Variants in CFAP210 observed in about 807,000 individuals in gnomAD.
CFAP210 encodes cilia- and flagella- associated protein 210.
At chr2:169,675,964 T>C in the CFAP210 span, among the ~76,000 whole-genome samples, 1 of 152,208 alleles carries the variant, frequency 6.6e-6, no homozygotes, top group Non-Finnish European at 1.5e-5. Context: ...TACTCTGATA[T>C]CCTGAAGATA....
At chr2:169,654,188 GATA>G in the CFAP210 span, 1 of 1,590,014 alleles carries the variant, frequency 6.3e-7, no homozygotes, top group Non-Finnish European at 8.6e-7. Flanking sequence ...CTACAGCTTT[GATA>G]ATATGTTTAT....
the CFAP210 span, among the ~76,000 whole-genome samples, chr2:169,692,790 A>G: frequency 1.3e-5 from 2 of 152,244 alleles, no homozygotes; most frequent in Non-Finnish European, 2.9e-5. Context: ...ATGTCGAATA[A>G]TAACAGTTGT....
At chr2:169,647,192 CAAA>C in the CFAP210 span, among the ~76,000 whole-genome samples, 1 of 151,264 alleles carries the variant, frequency 6.6e-6, no homozygotes, top group South Asian at 2.1e-4. Context: ...GAGAAAAAGT[CAAA>C]AAAAAGCTAA....
chr2:169,667,318 T>C, the CFAP210 span, among the ~76,000 whole-genome samples: 2 of 151,988 alleles, frequency 1.3e-5, no homozygotes, highest in African/African-American at 2.4e-5. Flanking sequence ...TTTGTATTTT[T>C]AGTACAGACA....
chr2:169,653,029 A>AAAAAAAAAAAAAATATATATAT, the CFAP210 span, among the ~76,000 whole-genome samples: 1 of 39,954 alleles, frequency 2.5e-5, no homozygotes, highest in Non-Finnish European at 4.0e-5. Context: ...AAAAAAAAAA[A>AAAAAAAAAAAAAATATATATAT]ATATATATAT....
the CFAP210 span, chr2:169,681,304 C>A: frequency 6.3e-6 from 7 of 1,103,860 alleles, no homozygotes; most frequent in Non-Finnish European, 9.5e-6. Flanking sequence ...CTGAGAAGTT[C>A]CGATATTGGC....
the CFAP210 span, among the ~76,000 whole-genome samples, chr2:169,692,492 CAG>C: frequency 5.8e-4 from 85 of 146,488 alleles, no homozygotes; most frequent in Middle Eastern, 3.4e-3. Flanking sequence ...CACACAGAGA[CAG>C]AGAGAGAGAG....
chr2:169,649,150 TA>T, the CFAP210 span: 2 of 1,536,784 alleles, frequency 1.3e-6, no homozygotes, highest in Non-Finnish European at 1.8e-6. Flanking sequence ...TACTTATTAC[TA>T]ACATAATTAT....
the CFAP210 span, chr2:169,694,337 A>C: frequency 6.2e-7 from 1 of 1,613,626 alleles, no homozygotes; most frequent in Admixed American, 1.7e-5. Context: ...TGATGCTCCT[A>C]GATCTGGAAA....
At chr2:169,672,160 A>G in the CFAP210 span, among the ~76,000 whole-genome samples, 1 of 152,258 alleles carries the variant, frequency 6.6e-6, no homozygotes, top group Non-Finnish European at 1.5e-5. Flanking sequence ...TAGCTTGGCG[A>G]TAAGTTTGTA....
chr2:169,646,114 A>G, the CFAP210 span: 2 of 1,613,916 alleles, frequency 1.2e-6, no homozygotes, highest in Non-Finnish European at 1.7e-6. Context: ...CAGCCACAAG[A>G]GCTTCAGTAA....
the CFAP210 span, among the ~76,000 whole-genome samples, chr2:169,690,229 TTTC>T: frequency 6.6e-6 from 1 of 152,190 alleles, no homozygotes; most frequent in East Asian, 1.9e-4. Flanking sequence ...GATCTATAGT[TTTC>T]TTGTGATATC....
chr2:169,676,508 T>G, the CFAP210 span, among the ~76,000 whole-genome samples: 1 of 151,966 alleles, frequency 6.6e-6, no homozygotes, highest in Non-Finnish European at 1.5e-5. Flanking sequence ...TACAAAATAG[T>G]TCCATCCTCC....
At chr2:169,656,355 G>A in the CFAP210 span, among the ~76,000 whole-genome samples, 2 of 127,036 alleles carry the variant, frequency 1.6e-5, no homozygotes, top group Non-Finnish European at 3.6e-5. Flanking sequence ...AGGAAGAGGA[G>A]GAAAAAGGAA....
chr2:169,649,373 T>C, the CFAP210 span: 1 of 1,591,734 alleles, frequency 6.3e-7, no homozygotes, highest in Non-Finnish European at 8.6e-7. Flanking sequence ...AAAGGAAACA[T>C]ATAAAACCAG....
chr2:169,687,807 C>T, the CFAP210 span, among the ~76,000 whole-genome samples: 4 of 152,348 alleles, frequency 2.6e-5, no homozygotes, highest in African/African-American at 7.2e-5. Flanking sequence ...GTGGGAGCTC[C>T]GGCCCCACAA....
At chr2:169,670,067 T>G in the CFAP210 span, among the ~76,000 whole-genome samples, 9 of 152,154 alleles carry the variant, frequency 5.9e-5, no homozygotes, top group African/African-American at 2.2e-4. Context: ...CCATTTTTTC[T>G]TTTTTTGTGT....
chr2:169,677,073 CA>C, the CFAP210 span, among the ~76,000 whole-genome samples: 1 of 152,100 alleles, frequency 6.6e-6, no homozygotes, highest in East Asian at 1.9e-4. Flanking sequence ...CCAGCAGATG[CA>C]CAGAGAGGAG....
chr2:169,679,935 A>G, the CFAP210 span, among the ~76,000 whole-genome samples: 1 of 152,216 alleles, frequency 6.6e-6, no homozygotes, highest in East Asian at 1.9e-4. Flanking sequence ...CTAAAAGTAA[A>G]AACTTTTGCT....
Sources: gnomAD v4.1 joint callset for allele counts (sites outside exome capture counted in the v4.1 genomes callset) on GRCh38, gnomAD v4.1.1 for gene constraint, MANE v1.5 for transcripts, NCBI Gene and HGNC (gene_info 2026-07-23, HGNC 2026-07-21) for gene names.